Variants in SUGCT observed in about 807,000 individuals in gnomAD.
The protein encoded by SUGCT is succinyl-CoA:glutarate-CoA transferase.
SUGCT carries 41 observed loss-of-function variants against 55.0 expected under a neutral mutation model. The ratio of observed to expected loss-of-function variants is 0.74; its 90% confidence interval spans 0.58 to 0.97. The LOEUF (loss-of-function observed/expected upper bound fraction) is 0.97. SUGCT is among the 50% of genes least tolerant of loss of function. SUGCT has a pLI of 0.00. For missense variants in SUGCT, 568 were observed against 547.8 expected (o/e 1.04, Z -0.37); for synonymous variants, 187 against 200.4 (o/e 0.93, Z 0.56).
the SUGCT span, among the ~76,000 whole-genome samples, chr7:40,901,868 A>G: frequency 1.3e-5 from 2 of 152,264 alleles, no homozygotes; most frequent in South Asian, 4.1e-4. Flanking sequence ...AATCAGAGTC[A>G]TGACATAAGA....
chr7:40,972,382 G>A, the SUGCT span, among the ~76,000 whole-genome samples: 1 of 152,218 alleles, frequency 6.6e-6, no homozygotes, highest in South Asian at 2.1e-4. Flanking sequence ...CATGGATGCT[G>A]GTAGAAGACA....
At chr7:41,027,780 C>T in the SUGCT span, among the ~76,000 whole-genome samples, 2 of 152,044 alleles carry the variant, frequency 1.3e-5, no homozygotes, top group African/African-American at 4.8e-5. Flanking sequence ...TTTTAATGAT[C>T]GTCTAAAGAC....
intron 9 of SUGCT, among the ~76,000 whole-genome samples, chr7:40,374,734 A>G (rs1784460573): frequency 6.6e-6 from 1 of 152,158 alleles, no homozygotes; most frequent in Non-Finnish European, 1.5e-5. Flanking sequence ...TGAGTCACTT[A>G]TATCACCTTC....
At chr7:40,703,279 G>A (rs1352520794) in intron 12 of SUGCT, among the ~76,000 whole-genome samples, 1 of 152,054 alleles carries the variant, frequency 6.6e-6, no homozygotes, top group Admixed American at 6.5e-5. Context: ...GGTCAGGCTG[G>A]TCTCGACAGC....
At chr7:40,491,665 A>T (rs969889743) in intron 11 of SUGCT, among the ~76,000 whole-genome samples, 5 of 152,112 alleles carry the variant, frequency 3.3e-5, no homozygotes, top group Non-Finnish European at 5.9e-5. Flanking sequence ...GTGTCAAAAA[A>T]AAAAGCACAA....
intron 11 of SUGCT, among the ~76,000 whole-genome samples, chr7:40,476,986 G>A (rs988684615): frequency 2.6e-5 from 4 of 152,004 alleles, no homozygotes; most frequent in Middle Eastern, 3.4e-3. Flanking sequence ...GCCAAATGTC[G>A]GCTTTTAATA....
At chr7:40,260,688 G>T (rs774046378) in intron 7 of SUGCT, among the ~76,000 whole-genome samples, 2 of 152,184 alleles carry the variant, frequency 1.3e-5, no homozygotes, top group African/African-American at 2.4e-5. Flanking sequence ...GTCTCACTCT[G>T]TTGCCCAGAC....
intron 13 of SUGCT, among the ~76,000 whole-genome samples, chr7:40,806,983 A>G (rs1791132757): frequency 6.6e-6 from 1 of 152,190 alleles, no homozygotes; most frequent in African/African-American, 2.4e-5. Flanking sequence ...TAAGGAGGAT[A>G]TTCACTACCC....
rs578162718 is a variant in SUGCT, at chr7:40,550,443, G to A, written c.1089+54057G>A. 1.6e-4 allele frequency among the ~76,000 whole-genome samples: 25 copies of A among 152,220 alleles called. No individual in the cohort carries two copies. In the East Asian group the frequency reaches 3.7e-3, roughly 22 times the overall value. ...TTTCTGACACCAATTCTGCTCTATTGTACCTTTTCTCTTCTTGTATGAGAA... is the reference window on the plus strand; with the variant it reads ...TTTCTGACACCAATTCTGCTCTATTATACCTTTTCTCTTCTTGTATGAGAA... On this transcript the variant is annotated intron_variant, in intron 12 of 13. Transcript: ENST00000335693.
At chr7:40,645,782 C>T (rs910955551) in intron 12 of SUGCT, among the ~76,000 whole-genome samples, 1 of 152,122 alleles carries the variant, frequency 6.6e-6, no homozygotes, top group Non-Finnish European at 1.5e-5. Flanking sequence ...TGAAGAGGAA[C>T]AGGTGGGAGG....
intron 9 of SUGCT, among the ~76,000 whole-genome samples, chr7:40,448,246 C>A (rs1002436758): frequency 4.1e-5 from 6 of 144,884 alleles, no homozygotes; most frequent in Non-Finnish European, 9.1e-5. Flanking sequence ...CCCTCCCTCC[C>A]TTCCTTCCTT....
intron 13 of SUGCT, among the ~76,000 whole-genome samples, chr7:40,830,935 C>A (rs1037787814): frequency 1.3e-5 from 2 of 152,186 alleles, no homozygotes; most frequent in Admixed American, 1.3e-4. Flanking sequence ...AAGCAACATT[C>A]AACTGTCTGG....
chr7:40,883,585 G>A, the SUGCT span, among the ~76,000 whole-genome samples: 13 of 152,192 alleles, frequency 8.5e-5, no homozygotes, highest in Non-Finnish European at 1.9e-4. Context: ...GGATGACTGA[G>A]TGACACAATA....
chr7:40,923,372 G>A, the SUGCT span, among the ~76,000 whole-genome samples: 2 of 152,174 alleles, frequency 1.3e-5, no homozygotes, highest in African/African-American at 4.8e-5. Context: ...GCATTTAGCA[G>A]TTTTGACAAG....
chr7:40,493,836 C>T (rs910295916), intron 11 of SUGCT, among the ~76,000 whole-genome samples: 4 of 151,992 alleles, frequency 2.6e-5, no homozygotes, highest in East Asian at 1.9e-4. Flanking sequence ...ATTCCACATC[C>T]GATTTAGATC....
At chr7:40,555,420 C>T (rs947965514) in intron 12 of SUGCT, among the ~76,000 whole-genome samples, 2 of 151,790 alleles carry the variant, frequency 1.3e-5, no homozygotes, top group Non-Finnish European at 2.9e-5. Context: ...CCTTTTCAGT[C>T]CTGGGTGTTA....
At chr7:40,299,199 A>T (rs1237726193) in intron 8 of SUGCT, among the ~76,000 whole-genome samples, 1 of 152,196 alleles carries the variant, frequency 6.6e-6, no homozygotes, top group Non-Finnish European at 1.5e-5. Context: ...TAACTATGCC[A>T]GACGGGTAAT....
chr7:40,866,795 G>A, the SUGCT span, among the ~76,000 whole-genome samples: 1 of 152,080 alleles, frequency 6.6e-6, no homozygotes, highest in Non-Finnish European at 1.5e-5. Context: ...CAGGCCAGAG[G>A]TGGTGCTCAA....
chr7:40,575,119 C>CGGGGGGGGGGGG (rs1210366162), intron 12 of SUGCT, among the ~76,000 whole-genome samples: 2 of 99,106 alleles, frequency 2.0e-5, no homozygotes, highest in African/African-American at 9.2e-5. Context: ...AGGAGGGTGG[C>CGGGGGGGGGGGG]GGGGGTGGGG....
Sources: gnomAD v4.1 joint callset for allele counts (sites outside exome capture counted in the v4.1 genomes callset) on GRCh38, gnomAD v4.1.1 for gene constraint, MANE v1.5 for transcripts, NCBI Gene and HGNC (gene_info 2026-07-23, HGNC 2026-07-21) for gene names.